Variants in CFAP47 observed in about 807,000 individuals in gnomAD.
CFAP47 encodes cilia and flagella associated protein 47.
CFAP47 carries 29 observed loss-of-function variants against 148.1 expected under a neutral mutation model. The ratio of observed to expected loss-of-function variants is 0.20; its 90% confidence interval spans 0.15 to 0.27. CFAP47 has a LOEUF of 0.27. Ranked by LOEUF, CFAP47 falls within the 10% of genes least tolerant of loss-of-function variation. The probability of loss-of-function intolerance (pLI) is 1.00; values close to 1 mark genes in which losing one functional copy is unlikely to be tolerated. For missense variants in CFAP47, 1,872 were observed against 1,697.5 expected, an observed-to-expected ratio of 1.10 and a Z score of -1.81; for synonymous variants, 664 against 577.3, an observed-to-expected ratio of 1.15 and a Z score of -2.15.
At chrX:36,056,705 A>G (rs1222382385) in intron 26 of CFAP47, among the ~76,000 whole-genome samples, 1 of 112,549 alleles carries the variant, frequency 8.9e-6, no homozygotes, top group East Asian at 2.8e-4. Flanking sequence ...TAGCTATGTG[A>G]AATGCTATCA....
At chrX:35,999,471 G>A (rs1477958402) in intron 19 of CFAP47, among the ~76,000 whole-genome samples, 1 of 112,005 alleles carries the variant, frequency 8.9e-6, no homozygotes, top group East Asian at 2.8e-4. Flanking sequence ...TTTATTTAAG[G>A]TAGATGTTGG....
chrX:36,211,862 A>G (rs1940105849), intron 45 of CFAP47, among the ~76,000 whole-genome samples: 2 of 111,682 alleles, frequency 1.8e-5, no homozygotes, highest in Non-Finnish European at 3.8e-5. Context: ...TTTTAACTGT[A>G]CAGTGTCTTT....
At chrX:35,972,013 A>G (rs1936500859) in intron 13 of CFAP47, 48 bp downstream of exon 13, 1 of 809,295 alleles carries the variant, frequency 1.2e-6, no homozygotes, top group Non-Finnish European at 1.8e-6. Context: ...TTTATAAAAA[A>G]AAGATTTCTT....
In CFAP47 at chrX:36,350,131, A is replaced by T; in HGVS notation, c.8697A>T (p.Pro2899=). The T allele has an allele frequency of 9.1e-7, 1 of 1,093,376 alleles. No homozygotes were observed. The highest frequency in any genetic ancestry group is 1.2e-6 in the Non-Finnish European group (1 of 806,056). The allele number at this position is 1,093,376 out of a possible 1,213,427, so 90.1% of individuals were successfully genotyped here. ...LPQAPPPKSP[P]VVIQCQSRKR... ...AAGCACCACCTCCTAAATCTCCCCC[A>T]GGTAGGTATACATTAGGGTCAGAGA... Residue 2899 remains proline, a splice_region_variant and synonymous_variant, in exon 59 of 64, where the codon CCA becomes CCT. Transcript: ENST00000378653.
chrX:36,280,630 T>A lies in CFAP47; in HGVS notation c.7588T>A (p.Tyr2530Asn), dbSNP rs1436371154. 4.3e-6 allele frequency: 2 copies of A among 464,897 alleles called. No homozygotes were observed. Among genetic ancestry groups the A allele is most frequent in the Admixed American group, 6.3e-5 (2 of 31,744 alleles). The allele number at this position is 464,897 out of a possible 1,213,427, so 38.3% of individuals were successfully genotyped here. The change falls in exon 50 of 64, where the codon TAT becomes AAT. Residue 2530 changes from tyrosine (Y) to asparagine (N), a missense_variant and splice_region_variant. Transcript: ENST00000378653. Reference sequence around the variant, plus strand: ...TAGCATTTTGGATGATGCAGACACATGTAAGTTTATTATGACAGAGTTTCA... The same window carrying A: ...TAGCATTTTGGATGATGCAGACACAAGTAAGTTTATTATGACAGAGTTTCA... Reference protein sequence around the residue: ...QSSILDDADTYGNFNNLRFWY... With the variant: ...QSSILDDADTNGNFNNLRFWY...
At chrX:35,976,858 C>T (rs916865572) in intron 15 of CFAP47, among the ~76,000 whole-genome samples, 26 of 111,432 alleles carry the variant, frequency 2.3e-4, no homozygotes, top group African/African-American at 8.5e-4. Flanking sequence ...CCATTTTTGA[C>T]GTGCCCTGTA....
At position 36,104,552 on chromosome X, in the gene CFAP47, A is replaced by T; in HGVS notation, c.5181A>T (p.Ile1727=). Residue 1727 remains isoleucine (I), a synonymous_variant, in exon 33 of 64, where the codon ATA becomes ATT. Transcript: ENST00000378653. ...ACTGCAGCAATAATATGCCCCCCAT[A>T]TGTGTGCAAAATACACCAAAAGTCA... ...VPYCSNNMPP[I]CVQNTPKVNP... is the part of the protein sequence containing the mutation. The T allele has an allele frequency of 2.9e-6, 3 of 1,018,572 alleles. No homozygotes were observed. Among genetic ancestry groups the T allele is most frequent in the South Asian group, 4.4e-5 (2 of 45,609 alleles). 83.9% of individuals were successfully genotyped at this position (1,018,572 alleles called of 1,213,427 possible).
At chrX:36,162,131 A>G (rs1019799626) in intron 39 of CFAP47, among the ~76,000 whole-genome samples, 13 of 112,306 alleles carry the variant, frequency 1.2e-4, no homozygotes, top group African/African-American at 4.2e-4. Flanking sequence ...CATATTTCTC[A>G]AATAACAGTA....
chrX:36,190,980 A>G (rs1417956630), intron 42 of CFAP47, among the ~76,000 whole-genome samples: 6 of 111,947 alleles, frequency 5.4e-5, no homozygotes, highest in Non-Finnish European at 1.1e-4. Flanking sequence ...AAAAATGGTA[A>G]TTGGAAAGAG....
intron 49 of CFAP47, among the ~76,000 whole-genome samples, chrX:36,270,120 C>A (rs1010480541): frequency 2.7e-5 from 3 of 111,515 alleles, no homozygotes; most frequent in Admixed American, 9.5e-5. Context: ...CTGCTATGAA[C>A]ATTCAAGTAT....
intron 57 of CFAP47, among the ~76,000 whole-genome samples, chrX:36,332,569 C>T (rs782105782): frequency 6.7e-4 from 75 of 111,860 alleles, no homozygotes; most frequent in Non-Finnish European, 1.2e-3. Flanking sequence ...GGCACAACCA[C>T]ACATTACTTT....
intron 15 of CFAP47, among the ~76,000 whole-genome samples, chrX:35,980,602 A>AT (rs1160241587): frequency 1.8e-5 from 2 of 109,547 alleles, no homozygotes; most frequent in Non-Finnish European, 1.9e-5. Context: ...TGGCTAATTT[A>AT]TTTTTTTTTA....
intron 8 of CFAP47, among the ~76,000 whole-genome samples, chrX:35,958,885 G>C (rs1936283190): frequency 9.0e-6 from 1 of 111,715 alleles, no homozygotes; most frequent in Non-Finnish European, 1.9e-5. Flanking sequence ...ATACTCTCAG[G>C]TTCCTTAAAA....
chrX:36,206,767 A>AT (rs782148198), intron 45 of CFAP47, among the ~76,000 whole-genome samples: 18 of 111,836 alleles, frequency 1.6e-4, no homozygotes, highest in East Asian at 2.8e-4. Context: ...TCTAAGGCTG[A>AT]TTTTTTCTTT....
chrX:36,258,962 G>A (rs781894739), intron 49 of CFAP47, among the ~76,000 whole-genome samples: 24 of 111,465 alleles, frequency 2.2e-4, no homozygotes, highest in Non-Finnish European at 3.8e-4. Context: ...CTCTAACTGT[G>A]TAATCTTGGG....
At chrX:36,263,542 G>C (rs1184817512) in intron 49 of CFAP47, among the ~76,000 whole-genome samples, 1 of 111,950 alleles carries the variant, frequency 8.9e-6, no homozygotes, top group Non-Finnish European at 1.9e-5. Context: ...TCCAAAGACA[G>C]AGGAGCCCCA....
At chrX:36,051,908 A>G (rs1404719238) in intron 26 of CFAP47, among the ~76,000 whole-genome samples, 1 of 110,861 alleles carries the variant, frequency 9.0e-6, no homozygotes, top group Admixed American at 9.6e-5. Flanking sequence ...TGCTGTTCTC[A>G]TGATAGTGAA....
chrX:36,184,237 C>G (rs1208413348), intron 40 of CFAP47, among the ~76,000 whole-genome samples: 1 of 111,538 alleles, frequency 9.0e-6, no homozygotes, highest in Non-Finnish European at 1.9e-5. Context: ...GGTATTTTCT[C>G]TTATTATAAA....
intron 48 of CFAP47, among the ~76,000 whole-genome samples, chrX:36,249,563 T>C (rs1555997777): frequency 9.0e-6 from 1 of 111,189 alleles, no homozygotes; most frequent in Admixed American, 9.6e-5. Context: ...ATGGCTTTAA[T>C]AGTGGATTTT....
Sources: allele counts gnomAD v4.1 joint callset (sites outside exome capture counted in the v4.1 genomes callset), GRCh38; gene constraint gnomAD v4.1.1; transcripts MANE v1.5; gene names NCBI Gene and HGNC (gene_info 2026-07-23, HGNC 2026-07-21).